Variants in SKIDA1 observed in about 807,000 individuals in gnomAD.
The protein encoded by SKIDA1 is SKI/DACH domain containing 1.
In SKIDA1, 18 loss-of-function variants were observed where a neutral mutation model predicts 51.4. The observed-to-expected ratio is 0.35, with a 90% CI of 0.24 to 0.52. The LOEUF is 0.52. Among genes scored for constraint, SKIDA1 ranks in the 20% least tolerant of loss-of-function variants. The pLI, the probability that SKIDA1 is intolerant of heterozygous loss-of-function variation, is 0.95. For synonymous variants in SKIDA1, 579 were observed against 500.5 expected (o/e 1.16, Z -2.09); for missense variants, 1,104 against 1,180.6 (o/e 0.94, Z 0.95).
In SKIDA1 at chr10:21,516,897, G is replaced by GGGTGTTTGCTGCA; in HGVS notation, c.925_926insTGCAGCAAACACC (p.Ala309ValfsTer134). On this transcript the variant is annotated frameshift_variant, in exon 4 of 4. Coordinates refer to ENST00000449193, the MANE Select transcript of SKIDA1 (RefSeq NM_207371.4). LOFTEE classifies it high-confidence loss of function. This position sits in a 1 kb window ranked among gnomAD's most constrained non-coding sequence, Gnocchi z 5.7. ...GGCGGCCGCCGCCGCCGCTGCCGCC[G>GGGTGTTTGCTGCA]CCGCCGCCGCCGCCGCCGCCTTGGC... 2 of 1,176,392 alleles carry GGGTGTTTGCTGCA rather than the reference G, an allele frequency of 1.7e-6. No homozygotes were observed. The highest frequency in any genetic ancestry group is 1.0e-6 in the Non-Finnish European group (1 of 957,376). 72.9% of individuals were successfully genotyped at this position (1,176,392 alleles called of 1,614,324 possible). A position where few individuals can be genotyped will look rare whatever the true frequency, so the allele number is the denominator to read the frequency against.
Position 21,514,927 on chromosome 10 carries a change from A to C in SKIDA1, c.*169T>G. ...GCCCCCACCCTACTCCAGAAAAAAA[A>C]AAAAAAACCCGCAACGGAAAAAAAG... is the stretch of plus-strand genomic sequence containing the variant. On this transcript the variant is annotated 3_prime_UTR_variant, in exon 4 of 4. Transcript: ENST00000449193. 1.4e-6 allele frequency: 1 copy of C among 726,436 alleles called. No homozygotes were observed. The highest frequency in any genetic ancestry group is 1.8e-6 in the Non-Finnish European group (1 of 554,648). 45.0% of individuals were successfully genotyped at this position (726,436 alleles called of 1,614,324 possible).
chr10:21,513,582 C>T lies in SKIDA1; in HGVS notation c.*1514G>A, dbSNP rs372920730. On this transcript the variant is annotated 3_prime_UTR_variant, in exon 4 of 4. Coordinates refer to ENST00000449193, the MANE Select transcript of SKIDA1 (RefSeq NM_207371.4). Reference sequence around the variant, plus strand: ...GCTTCCATCATCACAACACAGTACACCAGCATGGCCCTTACCCAGGGCTAG... The same window carrying T: ...GCTTCCATCATCACAACACAGTACATCAGCATGGCCCTTACCCAGGGCTAG... The T allele has an allele frequency of 6.6e-6, 1 of 152,598 alleles. No homozygotes were observed. The highest frequency in any genetic ancestry group is 1.5e-5 in the Non-Finnish European group (1 of 68,042). The allele number at this position is 152,598 out of a possible 1,614,324, so 9.5% of individuals were successfully genotyped here.
Position 21,516,037 on chromosome 10 carries a change from G to C in SKIDA1, c.1786C>G (p.Arg596Gly), listed in dbSNP as rs776504285. ...NNAFPQQRIL[R>G]EARKCLQTTP... ...GTTTGTAGGCATTTCCTAGCCTCTC[G>C]GAGTATTCTTTGTTGTGGAAATGCA... Residue 596 changes from arginine (R) to glycine (G), a missense_variant, in exon 4 of 4, where the codon CGA (arginine) becomes GGA (glycine). Physicochemically the swap from Arg to Gly is moderately radical, Grantham distance 125. Around this residue, in one of 3 missense-constraint regions of SKIDA1, gnomAD observed 938 missense variants for 886.4 expected, o/e 1.06. Coordinates refer to ENST00000449193, the MANE Select transcript of SKIDA1 (RefSeq NM_207371.4). This position sits in a 1 kb window ranked among gnomAD's most constrained non-coding sequence, Gnocchi z 5.7. The C allele has an allele frequency of 2.6e-5, 42 of 1,613,922 alleles. No homozygotes were observed. The highest frequency in any genetic ancestry group is 6.7e-5 in the African/African-American group (5 of 74,930).
In SKIDA1 at chr10:21,524,373, A is replaced by T. The variant is rs192808939; in HGVS notation, c.-2117-502T>A. On this transcript the variant is annotated intron_variant, in intron 1 of 3. Transcript: ENST00000449193. ...CATTGCTAAGTATAAACTTAAAAAA[A>T]TTTTTTTTTCTCAAAGACATATCTA... Among the ~76,000 whole-genome samples the T allele has an allele frequency of 9.2e-3, 1,398 of 151,862 alleles. 22 individuals are homozygous for T. The highest frequency in any genetic ancestry group is 0.029 in the African/African-American group (1,216 of 41,378).
chr10:21,519,770 A>G lies in SKIDA1; in HGVS notation c.-1836-112T>C, dbSNP rs2032341436. The G allele has an allele frequency of 1.8e-5, 3 of 164,894 alleles. No homozygotes were observed. The Admixed American group carries it at 2.0e-4, about 11-fold the overall frequency. 10.2% of individuals were successfully genotyped at this position (164,894 alleles called of 1,614,324 possible). A position where few individuals can be genotyped will look rare whatever the true frequency, so the allele number is the denominator to read the frequency against. On this transcript the variant is annotated intron_variant, in intron 3 of 3. Coordinates refer to ENST00000449193, the MANE Select transcript of SKIDA1 (RefSeq NM_207371.4). ...GTATGGCTCAAAAAAGAAAACAAAG[A>G]TAAAAACTGAGGAATCAGACATACA...
At position 21,517,359 on chromosome 10, in the gene SKIDA1, G is replaced by T; in HGVS notation, c.464C>A (p.Ser155Tyr). ...AARPLPISAQ[S>Y]QRPGAAAARP... The stretch of plus-strand genomic sequence containing the variant: ...CGCGGCGGCGGCGCCCGGGCGCTGG[G>T]ACTGCGCGCTGATTGGCAGGGGCCG... Residue 155 changes from serine (S) to tyrosine (Y), a missense_variant, in exon 4 of 4, where the codon TCC becomes TAC. This residue lies in a region of SKIDA1 where 938 missense variants were observed against 886.4 expected (regional missense o/e 1.06). Transcript: ENST00000449193. This position sits in a 1 kb window ranked among gnomAD's most constrained non-coding sequence, Gnocchi z 6.9. 1 of 1,414,330 alleles carries T rather than the reference G, an allele frequency of 7.1e-7. No homozygotes were observed. Among genetic ancestry groups the T allele is most frequent in the Non-Finnish European group, 9.2e-7 (1 of 1,086,084 alleles). 87.6% of individuals were successfully genotyped at this position (1,414,330 alleles called of 1,614,324 possible).
At position 21,517,676 on chromosome 10, in the gene SKIDA1, C is replaced by A; in HGVS notation, c.147G>T (p.Met49Ile). Residue 49 changes from methionine (M) to isoleucine (I), a missense_variant, in exon 4 of 4, where the codon ATG becomes ATT. This residue lies in a region of SKIDA1 where 54 missense variants were observed against 126.0 expected (regional missense o/e 0.43). Transcript: ENST00000449193. This position sits in a 1 kb window ranked among gnomAD's most constrained non-coding sequence, Gnocchi z 6.9. Reference sequence around the variant, plus strand: ...GGTGCTTCTTCACTTTCAGATGATCCATGCGCTTGTGCACGGTCGTCCTCG... The same window carrying A: ...GGTGCTTCTTCACTTTCAGATGATCAATGCGCTTGTGCACGGTCGTCCTCG... Reference protein sequence around the residue: ...NIPRTTVHKRMDHLKVKKHHC... With the variant: ...NIPRTTVHKRIDHLKVKKHHC... The A allele has an allele frequency of 6.2e-7, 1 of 1,613,994 alleles. No individual in the cohort carries two copies. Among genetic ancestry groups the A allele is most frequent in the South Asian group, 1.1e-5 (1 of 91,080 alleles).
rs1465547617 is a variant in SKIDA1 at position 21,518,764 on chromosome 10, A to T, written c.-942T>A. On this transcript the variant is annotated 5_prime_UTR_variant, in exon 4 of 4. Coordinates refer to ENST00000449193, the MANE Select transcript of SKIDA1 (RefSeq NM_207371.4). ...GGTATTTCCCTTACAGGAGTGGGGAAGGAGACCGGCTGGGAGCTCCAAAGT... is the reference window on the plus strand; with the variant it reads ...GGTATTTCCCTTACAGGAGTGGGGATGGAGACCGGCTGGGAGCTCCAAAGT... 2 of 166,954 alleles carry T rather than the reference A, an allele frequency of 1.2e-5. No individual in the cohort carries two copies. Among genetic ancestry groups the T allele is most frequent in the African/African-American group, 4.8e-5 (2 of 41,416 alleles). 10.3% of individuals were successfully genotyped at this position (166,954 alleles called of 1,614,324 possible). A position where few individuals can be genotyped will look rare whatever the true frequency, so the allele number is the denominator to read the frequency against.
At chr10:21,523,542 G>A (rs890777301) in intron 2 of SKIDA1, 141 bp downstream of exon 2, 1 of 152,146 alleles carries the variant, frequency 6.6e-6, no homozygotes, top group Non-Finnish European at 1.5e-5. Context: ...ATCAGAGAAA[G>A]TAGAGTTTGA....
Position 21,517,936 on chromosome 10 carries a change from C to A in SKIDA1, c.-114G>T. On this transcript the variant is annotated 5_prime_UTR_variant, in exon 4 of 4. Transcript: ENST00000449193. The surrounding 1 kb of genome is among the most constrained non-coding windows in gnomAD (Gnocchi z 6.9). ...GCTGCGTGTGTCTCAAGGCATCCTG[C>A]TAATAAAATAACAAAGACTGTTATT... 1.1e-6 allele frequency: 1 copy of A among 950,084 alleles called. No individual in the cohort carries two copies. Among genetic ancestry groups the A allele is most frequent in the South Asian group, 2.5e-5 (1 of 39,544 alleles). The allele number at this position is 950,084 out of a possible 1,614,324, so 58.9% of individuals were successfully genotyped here. A position where few individuals can be genotyped will look rare whatever the true frequency, so the allele number is the denominator to read the frequency against.
At chr10:21,524,373 AT>A (rs892022686) in intron 1 of SKIDA1, among the ~76,000 whole-genome samples, 5 of 151,866 alleles carry the variant, frequency 3.3e-5, no homozygotes, top group East Asian at 1.9e-4. Context: ...ACTTAAAAAA[AT>A]TTTTTTTTCT....
In SKIDA1 at chr10:21,515,587, G is replaced by C. The variant is rs1358894648; in HGVS notation, c.2236C>G (p.Pro746Ala). ...EGFACPEKET[P>A]SLNPLAQSQG... is the part of the protein sequence containing the mutation. ...CTTTGAGCCAGTGGATTTAAGGAAG[G>C]AGTTTCTTTTTCAGGGCATGCAAAA... Residue 746 changes from proline (P) to alanine (A), a missense_variant, in exon 4 of 4, where the codon CCT becomes GCT. Pro to Ala is a conservative substitution (Grantham distance 27, BLOSUM62 -1). Transcript: ENST00000449193. The C allele has an allele frequency of 3.1e-6, 5 of 1,614,024 alleles. No individual in the cohort carries two copies. The highest frequency in any genetic ancestry group is 4.2e-6 in the Non-Finnish European group (5 of 1,179,892).
In SKIDA1 at chr10:21,515,313, G is replaced by A. The variant is rs2032164574; in HGVS notation, c.2510C>T (p.Ala837Val). ...NRRKKVASNVASAVKRPFHFM... is the reference protein window; with the variant it reads ...NRRKKVASNVVSAVKRPFHFM... ...ATGAAATGGCCTTTTCACTGCTGAT[G>A]CTACATTGCTGGCTACCTTTTTGCG... The change falls in exon 4 of 4, where the codon GCA becomes GTA. Residue 837 changes from alanine (A) to valine (V), a missense_variant. By Grantham distance (64) the Ala-to-Val change is moderately conservative (BLOSUM62 0). Around this residue, in one of 3 missense-constraint regions of SKIDA1, gnomAD observed 112 missense variants for 168.3 expected, o/e 0.67. Coordinates refer to ENST00000449193, the MANE Select transcript of SKIDA1 (RefSeq NM_207371.4). 6.2e-7 allele frequency: 1 copy of A among 1,614,022 alleles called. No individual in the cohort carries two copies. The highest frequency in any genetic ancestry group is 8.5e-7 in the Non-Finnish European group (1 of 1,179,892).
In SKIDA1 at chr10:21,518,868, T is replaced by TTC. The variant is rs34765781; in HGVS notation, c.-1047_-1046insGA. ...GATTTTCCTTTTTTTTTTTTTTTTT[T>TTC]CCTGAAATGCCTTTTTACAACCAGA... On this transcript the variant is annotated 5_prime_UTR_variant, in exon 4 of 4. Coordinates refer to ENST00000449193, the MANE Select transcript of SKIDA1 (RefSeq NM_207371.4). 21 of 164,372 alleles carry TTC rather than the reference T, an allele frequency of 1.3e-4. No homozygotes were observed. Among genetic ancestry groups the TTC allele is most frequent in the South Asian group, 6.3e-4 (3 of 4,768 alleles). 10.2% of individuals were successfully genotyped at this position (164,372 alleles called of 1,614,324 possible).
rs1554770678 is a variant in SKIDA1, at chr10:21,514,228, A to AAAAG, written c.*867_*868insCTTT. 2 of 151,508 alleles carry AAAAG rather than the reference A, an allele frequency of 1.3e-5. No homozygotes were observed. Among genetic ancestry groups the AAAAG allele is most frequent in the African/African-American group, 4.8e-5 (2 of 41,288 alleles). 9.4% of individuals were successfully genotyped at this position (151,508 alleles called of 1,614,324 possible). On this transcript the variant is annotated 3_prime_UTR_variant, in exon 4 of 4. Transcript: ENST00000449193. ...AGACTCTCTCCAAAAAAAAAAAAAA[A>AAAAG]AAAAAAAAGAAATATTTCAATTGTT...
At position 21,514,991 on chromosome 10, in the gene SKIDA1, C is replaced by A; in HGVS notation, c.*105G>T. ...GTCTTCAAAATGCGATAAACCAGGACTCCAAAGGGGGTGTAACACATTAAT... is the reference window on the plus strand; with the variant it reads ...GTCTTCAAAATGCGATAAACCAGGAATCCAAAGGGGGTGTAACACATTAAT... On this transcript the variant is annotated 3_prime_UTR_variant, in exon 4 of 4. Transcript: ENST00000449193. 1.6e-6 allele frequency: 2 copies of A among 1,226,384 alleles called. No individual in the cohort carries two copies. Among genetic ancestry groups the A allele is most frequent in the Non-Finnish European group, 2.0e-6 (2 of 976,832 alleles). The allele number at this position is 1,226,384 out of a possible 1,614,324, so 76.0% of individuals were successfully genotyped here.
In SKIDA1 at chr10:21,516,341, G is replaced by C. The variant is rs1346413492; in HGVS notation, c.1482C>G (p.Thr494=). The C allele has an allele frequency of 6.2e-7, 1 of 1,613,632 alleles. No individual in the cohort carries two copies. The highest frequency in any genetic ancestry group is 2.2e-5 in the East Asian group (1 of 44,886). The change falls in exon 4 of 4, where the codon ACC becomes ACG. Residue 494 remains threonine, a synonymous_variant. Coordinates refer to ENST00000449193, the MANE Select transcript of SKIDA1 (RefSeq NM_207371.4). This position sits in a 1 kb window ranked among gnomAD's most constrained non-coding sequence, Gnocchi z 5.7. ...LYHLASAAAA[T]KPAAFEDAGR... is the part of the protein sequence containing the mutation. ...CGGCATCCTCGAAAGCAGCGGGTTTGGTTGCAGCGGCGGCGGAGGCCAGAT... is the reference window on the plus strand; with the variant it reads ...CGGCATCCTCGAAAGCAGCGGGTTTCGTTGCAGCGGCGGCGGAGGCCAGAT...
rs1415224860 is a variant in SKIDA1 at position 21,514,667 on chromosome 10, C to T, written c.*429G>A. On this transcript the variant is annotated 3_prime_UTR_variant, in exon 4 of 4. Transcript: ENST00000449193. ...AACCATGTAACCTAACAAACTTTCA[C>T]TGAATTAACAGTTACACTTTCAGCT... The T allele has an allele frequency of 1.9e-5, 3 of 156,418 alleles. No homozygotes were observed. The highest frequency in any genetic ancestry group is 4.8e-5 in the African/African-American group (2 of 41,438). The allele number at this position is 156,418 out of a possible 1,614,324, so 9.7% of individuals were successfully genotyped here. A position where few individuals can be genotyped will look rare whatever the true frequency, so the allele number is the denominator to read the frequency against.
At position 21,517,299 on chromosome 10, in the gene SKIDA1, T is replaced by C; in HGVS notation, c.524A>G (p.Lys175Arg). 6.8e-7 allele frequency: 1 copy of C among 1,465,218 alleles called. No individual in the cohort carries two copies. The highest frequency in any genetic ancestry group is 9.0e-7 in the Non-Finnish European group (1 of 1,105,904). 90.8% of individuals were successfully genotyped at this position (1,465,218 alleles called of 1,614,324 possible). The stretch of plus-strand genomic sequence containing the variant: ...CTCCGGGTAGTGCGAGCCGGGGTAT[T>C]TGCTAAAAATCTGAGGTAGATGGGC... Reference protein sequence around the residue: ...PAAHLPQIFSKYPGSHYPEIV... With the variant: ...PAAHLPQIFSRYPGSHYPEIV... Residue 175 changes from lysine (K) to arginine (R), a missense_variant, in exon 4 of 4, where the codon AAA becomes AGA. By Grantham distance (26) the Lys-to-Arg change is conservative. Transcript: ENST00000449193. This position sits in a 1 kb window ranked among gnomAD's most constrained non-coding sequence, Gnocchi z 6.9.
Sources: allele counts gnomAD v4.1 joint callset (sites outside exome capture counted in the v4.1 genomes callset), GRCh38; gene constraint gnomAD v4.1.1; regional missense constraint gnomAD v4.1.1; non-coding constraint Gnocchi (gnomAD v3.1); transcripts MANE v1.5; gene names NCBI Gene and HGNC (gene_info 2026-07-23, HGNC 2026-07-21).